The following TAF4B variants were observed in gnomAD, a reference collection of about 807,000 sequenced individuals.
TAF4B encodes the protein transcription initiation factor TFIID subunit 4B.
TAF4B carries 38 observed loss-of-function variants against 86.4 expected under a neutral mutation model. That is an observed-to-expected ratio of 0.44 (90% CI 0.34 to 0.58). The LOEUF is 0.58. Among genes scored for constraint, TAF4B ranks in the 20% least tolerant of loss-of-function variants. TAF4B has a pLI of 0.02. For missense variants in TAF4B, 988 were observed against 1,027.6 expected, an observed-to-expected ratio of 0.96 and a Z score of 0.53; for synonymous variants, 388 against 391.2, an observed-to-expected ratio of 0.99 and a Z score of 0.10.
chr18:26,303,982 ATCTT>A (rs1337732355), intron 9 of TAF4B, among the ~76,000 whole-genome samples: 2 of 152,108 alleles, frequency 1.3e-5, no homozygotes, highest in African/African-American at 4.8e-5. Flanking sequence ...ATTCCTAGAT[ATCTT>A]TCTTGTTGTT....
At chr18:26,348,267 A>G (rs1567915354) in intron 13 of TAF4B, 1 of 152,230 alleles carries the variant, frequency 6.6e-6, no homozygotes, top group Non-Finnish European at 1.5e-5. Flanking sequence ...AATAAGAGGA[A>G]TATTAAAAAC....
At chr18:26,326,804 T>C (rs1478285) in intron 11 of TAF4B, among the ~76,000 whole-genome samples, 141,905 of 152,214 alleles carry the variant, frequency 0.93, 66,444 homozygotes, top group East Asian at 0.99. Context: ...TGGTTAATCA[T>C]CTCTCAAATT....
chr18:26,305,749 AAAGT>A (rs1375663177), intron 9 of TAF4B, among the ~76,000 whole-genome samples: 1 of 152,196 alleles, frequency 6.6e-6, no homozygotes, highest in Non-Finnish European at 1.5e-5. Context: ...GCCCATAGTT[AAAGT>A]AAGTCCTTTT....
intron 3 of TAF4B, among the ~76,000 whole-genome samples, chr18:26,274,149 A>T (rs1021813015): frequency 2.0e-5 from 3 of 152,174 alleles, no homozygotes. Context: ...AATATAAGAT[A>T]CCACGTTTTA....
chr18:26,375,137 A>C (rs893833576), intron 14 of TAF4B, among the ~76,000 whole-genome samples: 1 of 152,138 alleles, frequency 6.6e-6, no homozygotes, highest in African/African-American at 2.4e-5. Context: ...GGATTCACCT[A>C]TTCTAGGCAT....
chr18:26,267,509 C>T lies in TAF4B; in HGVS notation c.490-7C>T, dbSNP rs775956410. 1.4e-5 allele frequency: 22 copies of T among 1,609,286 alleles called. No individual in the cohort carries two copies. The highest frequency in any genetic ancestry group is 3.3e-4 in the Middle Eastern group (2 of 6,074). The stretch of plus-strand genomic sequence containing the variant: ...TTTGTGTTATCTTGCTCCCCTCCAC[C>T]GCCAAGAACTCTAGCTCACAATTAA... On this transcript the variant is annotated splice_region_variant and splice_polypyrimidine_tract_variant and intron_variant, in intron 2 of 14. Coordinates refer to ENST00000269142, the MANE Select transcript of TAF4B (RefSeq NM_005640.3).
chr18:26,238,442 A>T (rs1163961333), intron 1 of TAF4B, among the ~76,000 whole-genome samples: 1 of 151,978 alleles, frequency 6.6e-6, no homozygotes, highest in Non-Finnish European at 1.5e-5. Context: ...CTGAGGAGGG[A>T]TCCTAAAATT....
intron 14 of TAF4B, among the ~76,000 whole-genome samples, chr18:26,359,258 C>T (rs1252177998): frequency 6.6e-6 from 1 of 152,176 alleles, no homozygotes; most frequent in African/African-American, 2.4e-5. Context: ...ATTCAACCAA[C>T]CCTCCAATGG....
intron 1 of TAF4B, among the ~76,000 whole-genome samples, chr18:26,249,663 C>T (rs1244013502): frequency 6.6e-6 from 1 of 152,110 alleles, no homozygotes; most frequent in Non-Finnish European, 1.5e-5. Flanking sequence ...ACTTTTATAT[C>T]CTGATTTTCA....
At chr18:26,316,532 A>G (rs2056913971) in intron 10 of TAF4B, among the ~76,000 whole-genome samples, 1 of 152,042 alleles carries the variant, frequency 6.6e-6, no homozygotes, top group South Asian at 2.1e-4. Flanking sequence ...CTGGGATTAT[A>G]GGCACCCACC....
intron 13 of TAF4B, among the ~76,000 whole-genome samples, chr18:26,339,145 T>C (rs960108978): frequency 6.6e-6 from 1 of 152,226 alleles, no homozygotes; most frequent in African/African-American, 2.4e-5. Context: ...CTTTCTCTGT[T>C]GCCTGAAAAA....
At chr18:26,307,160 A>G (rs1430657731) in intron 9 of TAF4B, among the ~76,000 whole-genome samples, 3 of 152,168 alleles carry the variant, frequency 2.0e-5, no homozygotes, top group African/African-American at 7.2e-5. Flanking sequence ...AATAAGAAGA[A>G]ATAGTAGCGA....
chr18:26,351,571 A>G (rs2057246445), intron 13 of TAF4B, among the ~76,000 whole-genome samples: 1 of 152,214 alleles, frequency 6.6e-6, no homozygotes, highest in African/African-American at 2.4e-5. Context: ...TCCTCATCTG[A>G]TCACTGTGTA....
intron 10 of TAF4B, among the ~76,000 whole-genome samples, chr18:26,319,370 C>CT (rs2056940430): frequency 6.6e-6 from 1 of 150,718 alleles, no homozygotes; most frequent in African/African-American, 2.4e-5. Flanking sequence ...GTGGCGCTTG[C>CT]CTATAAGTAA....
intron 11 of TAF4B, among the ~76,000 whole-genome samples, chr18:26,321,469 G>T (rs1308296700): frequency 6.6e-6 from 1 of 151,250 alleles, no homozygotes; most frequent in Non-Finnish European, 1.5e-5. Context: ...TTTTGATGGG[G>T]AAGGAAAGAT....
At chr18:26,287,859 G>A (rs1034727360) in intron 7 of TAF4B, among the ~76,000 whole-genome samples, 8 of 152,224 alleles carry the variant, frequency 5.3e-5, no homozygotes, top group Non-Finnish European at 1.0e-4. Context: ...GAATTGGAGA[G>A]TAGTCAGACT....
intron 14 of TAF4B, among the ~76,000 whole-genome samples, chr18:26,381,816 A>G (rs1415609065): frequency 2.6e-5 from 4 of 152,044 alleles, no homozygotes; most frequent in Non-Finnish European, 5.9e-5. Flanking sequence ...CCTTTGTGCT[A>G]TTGTTGTCAC....
chr18:26,367,021 A>C (rs1176905137), intron 14 of TAF4B, among the ~76,000 whole-genome samples: 2 of 152,192 alleles, frequency 1.3e-5, no homozygotes, highest in East Asian at 3.8e-4. Context: ...AAGTAGAAGA[A>C]CCCAAGTACA....
At chr18:26,280,306 T>C (rs1433909956) in intron 5 of TAF4B, among the ~76,000 whole-genome samples, 3 of 151,888 alleles carry the variant, frequency 2.0e-5, no homozygotes, top group Non-Finnish European at 2.9e-5. Context: ...AAAACAAAAA[T>C]TGACAAGTGG....
Sources: gnomAD v4.1 joint callset for allele counts (sites outside exome capture counted in the v4.1 genomes callset) on GRCh38, gnomAD v4.1.1 for gene constraint, MANE v1.5 for transcripts, NCBI Gene and HGNC (gene_info 2026-07-23, HGNC 2026-07-21) for gene names.